Variants in C3orf49 observed in about 807,000 individuals in gnomAD.
The protein encoded by C3orf49 is putative uncharacterized protein C3orf49.
A neutral mutation model predicts 13.3 loss-of-function variants in C3orf49; 27 were observed. The ratio of observed to expected loss-of-function variants is 2.02; its 90% CI spans 1.49 to 2.79. C3orf49 has a LOEUF of 2.79. Ranked by LOEUF, C3orf49 falls within the 30% of genes most tolerant of loss-of-function variation. The probability of loss-of-function intolerance (pLI) is 0.00; values close to 1 mark genes in which losing one functional copy is unlikely to be tolerated. For synonymous variants in C3orf49, 87 were observed against 47.6 expected, an observed-to-expected ratio of 1.83 and a Z score of -3.40; for missense variants, 242 against 134.2, an observed-to-expected ratio of 1.80 and a Z score of -3.97.
At chr3:63,805,325 G>A in the C3orf49 span, among the ~76,000 whole-genome samples, 2 of 152,164 alleles carry the variant, frequency 1.3e-5, no homozygotes, top group African/African-American at 2.4e-5. Flanking sequence ...AAGGAAAAGT[G>A]CAATAAATAC....
At chr3:63,779,885 G>T in the C3orf49 span, 1 of 152,068 alleles carries the variant, frequency 6.6e-6, no homozygotes, top group Non-Finnish European at 1.5e-5. Flanking sequence ...AATCCCCCAG[G>T]TTATCTTCAT....
At chr3:63,781,714 G>A in the C3orf49 span, among the ~76,000 whole-genome samples, 2 of 152,142 alleles carry the variant, frequency 1.3e-5, no homozygotes, top group African/African-American at 4.8e-5. Flanking sequence ...ACACCTTATG[G>A]TGGCAGAAGA....
At chr3:63,792,299 G>T in the C3orf49 span, among the ~76,000 whole-genome samples, 1 of 152,282 alleles carries the variant, frequency 6.6e-6, no homozygotes, top group Non-Finnish European at 1.5e-5. Flanking sequence ...AAGAATTAAA[G>T]ATATTTTTCT....
At chr3:63,838,087 A>G (rs1411694409) in intron 5 of C3orf49, 2 of 1,555,576 alleles carry the variant, frequency 1.3e-6, no homozygotes, top group Non-Finnish European at 1.7e-6. Context: ...TTTTTAAAAG[A>G]TAGTTGTAAC....
At position 63,823,233 on chromosome 3, in the gene C3orf49, A is replaced by C. The variant is rs1701421326; in HGVS notation, c.126-17A>C. On this transcript the variant is annotated splice_polypyrimidine_tract_variant and intron_variant, in intron 1 of 6. Coordinates refer to ENST00000295896, the MANE Select transcript of C3orf49 (RefSeq NM_001355236.2). ...CTTTTCAGTTTCCCTAATATGAACCATTTTTATTTTGTTTAGATGGCATAG... is the reference window on the plus strand; with the variant it reads ...CTTTTCAGTTTCCCTAATATGAACCCTTTTTATTTTGTTTAGATGGCATAG... The C allele has an allele frequency of 3.0e-6, 2 of 669,200 alleles. No homozygotes were observed. The highest frequency in any genetic ancestry group is 5.4e-6 in the Non-Finnish European group (2 of 368,242). The allele number at this position is 669,200 out of a possible 1,614,324, so 41.5% of individuals were successfully genotyped here.
At chr3:63,810,102 C>T in the C3orf49 span, among the ~76,000 whole-genome samples, 1 of 151,838 alleles carries the variant, frequency 6.6e-6, no homozygotes, top group African/African-American at 2.4e-5. Context: ...GCCGAGATCA[C>T]ACCACTGCAA....
chr3:63,824,836 CAAA>C (rs34464702), intron 2 of C3orf49, among the ~76,000 whole-genome samples: 7 of 107,882 alleles, frequency 6.5e-5, no homozygotes, highest in Non-Finnish European at 5.5e-5. Context: ...GACCCTGTCT[CAAA>C]AAAAAAAAAA....
At chr3:63,835,170 A>G (rs753259452) in intron 5 of C3orf49, 9 of 1,613,460 alleles carry the variant, frequency 5.6e-6, no homozygotes, top group Middle Eastern at 1.6e-4. Flanking sequence ...ATGTTTGCTG[A>G]AGTTCATGGA....
chr3:63,796,590 A>G, the C3orf49 span, among the ~76,000 whole-genome samples: 12 of 152,306 alleles, frequency 7.9e-5, no homozygotes, highest in East Asian at 1.9e-3. Flanking sequence ...TATATGCAAT[A>G]TACAATTTTG....
intron 1 of C3orf49, among the ~76,000 whole-genome samples, chr3:63,820,569 G>A (rs879479239): frequency 1.1e-4 from 16 of 152,100 alleles, no homozygotes; most frequent in Non-Finnish European, 2.2e-4. Context: ...TTTTAACATG[G>A]GTGGTCTTCA....
At chr3:63,785,247 T>A in the C3orf49 span, among the ~76,000 whole-genome samples, 2 of 151,690 alleles carry the variant, frequency 1.3e-5, no homozygotes, top group Non-Finnish European at 2.9e-5. Context: ...ATTTTTTTTG[T>A]ATTTTTAGTA....
intron 1 of C3orf49, among the ~76,000 whole-genome samples, chr3:63,822,277 C>G (rs142736505): frequency 6.6e-6 from 1 of 152,164 alleles, no homozygotes. Flanking sequence ...GCCTGGCCCC[C>G]TCCCTGTATT....
At chr3:63,838,972 C>T (rs901024363) in intron 5 of C3orf49, among the ~76,000 whole-genome samples, 1 of 152,322 alleles carries the variant, frequency 6.6e-6, no homozygotes, top group Non-Finnish European at 1.5e-5. Flanking sequence ...GGGCAGATCA[C>T]TTAATGCTAG....
chr3:63,840,644 C>G (rs902201085), intron 5 of C3orf49, among the ~76,000 whole-genome samples: 4 of 152,096 alleles, frequency 2.6e-5, no homozygotes, highest in African/African-American at 9.7e-5. Flanking sequence ...TGATGGCCAA[C>G]AAGTGGGGTC....
upstream of C3orf49, among the ~76,000 whole-genome samples, chr3:63,817,863 T>C (rs1349779925): frequency 6.6e-6 from 1 of 152,152 alleles, no homozygotes; most frequent in African/African-American, 2.4e-5. Flanking sequence ...AGCATAAAAT[T>C]CATCTCATTC....
intron 2 of C3orf49, 36 bp from the exon 3 acceptor site, chr3:63,827,565 G>T: frequency 1.4e-6 from 1 of 693,600 alleles, no homozygotes; most frequent in Non-Finnish European, 2.6e-6. Context: ...TCCTCATTGT[G>T]ATCCTTACAG....
chr3:63,829,947 C>T (rs557991927), intron 3 of C3orf49, among the ~76,000 whole-genome samples: 1 of 152,260 alleles, frequency 6.6e-6, no homozygotes, highest in Admixed American at 6.5e-5. Flanking sequence ...GCCTGGACAA[C>T]AGAGTGAGAC....
the C3orf49 span, among the ~76,000 whole-genome samples, chr3:63,794,786 T>C: frequency 6.6e-6 from 1 of 152,112 alleles, no homozygotes; most frequent in African/African-American, 2.4e-5. Flanking sequence ...CAATCTCTCC[T>C]TGAAATACAT....
At chr3:63,807,857 C>CAAAAAAAAAAAAAAAA in the C3orf49 span, among the ~76,000 whole-genome samples, 19 of 32,162 alleles carry the variant, frequency 5.9e-4, no homozygotes, top group Admixed American at 8.3e-4. Context: ...AACTTCATCT[C>CAAAAAAAAAAAAAAAA]AAAAAAAAAA....
Sources: allele counts gnomAD v4.1 joint callset (sites outside exome capture counted in the v4.1 genomes callset), GRCh38; gene constraint gnomAD v4.1.1; transcripts MANE v1.5; gene names NCBI Gene and HGNC (gene_info 2026-07-23, HGNC 2026-07-21).